Variants in ATRN observed in about 807,000 individuals in gnomAD.
ATRN encodes attractin-2.
A neutral mutation model predicts 178.7 loss-of-function variants in ATRN; 54 were observed. That is an observed-to-expected ratio of 0.30 (90% confidence interval 0.24 to 0.38). The LOEUF is 0.38. ATRN is among the 10% of genes least tolerant of loss of function. The probability of loss-of-function intolerance (pLI) is 1.00; values close to 1 mark genes in which losing one functional copy is unlikely to be tolerated. For missense variants in ATRN, 1,443 were observed against 1,815.1 expected, an observed-to-expected ratio of 0.79 and a Z score of 3.73; for synonymous variants, 636 against 663.0, an observed-to-expected ratio of 0.96 and a Z score of 0.63.
intron 18 of ATRN, 62 bp downstream of exon 18, chr20:3,584,942 T>G: frequency 1.3e-6 from 2 of 1,499,604 alleles, no homozygotes; most frequent in Non-Finnish European, 1.9e-6. Flanking sequence ...GAATAAAACC[T>G]TGAAAGCTAC....
At chr20:3,531,797 AAACAAC>A (rs144998439) in intron 1 of ATRN, among the ~76,000 whole-genome samples, 7,760 of 151,792 alleles carry the variant, frequency 0.051, 587 homozygotes, top group African/African-American at 0.17. Context: ...AAGTGGGTTA[AAACAAC>A]AACAACAACA....
At chr20:3,472,290 A>G (rs1424750457) in intron 1 of ATRN, among the ~76,000 whole-genome samples, 2 of 152,208 alleles carry the variant, frequency 1.3e-5, no homozygotes, top group African/African-American at 4.8e-5. Context: ...GATAATACAG[A>G]CAGATTAGCC....
At chr20:3,640,037 A>G (rs758994847) in intron 27 of ATRN, among the ~76,000 whole-genome samples, 1 of 152,230 alleles carries the variant, frequency 6.6e-6, no homozygotes, top group South Asian at 2.1e-4. Context: ...ACAACAGATG[A>G]TTGATGTGGA....
chr20:3,497,551 C>T (rs1273588133), intron 1 of ATRN, among the ~76,000 whole-genome samples: 4 of 152,114 alleles, frequency 2.6e-5, no homozygotes, highest in Non-Finnish European at 4.4e-5. Flanking sequence ...TGATGGGCTT[C>T]CCTTTGTGGG....
chr20:3,514,972 A>G (rs1161414265), intron 1 of ATRN, among the ~76,000 whole-genome samples: 1 of 152,180 alleles, frequency 6.6e-6, no homozygotes, highest in Non-Finnish European at 1.5e-5. Flanking sequence ...AATAAAAGAA[A>G]AAAAGATACT....
At position 3,547,265 on chromosome 20, in the gene ATRN, T is replaced by G; in HGVS notation, c.738-19T>G. ...AGCGTTGCGTTGTGTTAATGTAATTTTCCCTGCTATTTTTACAGTTTTGAT... is the reference window on the plus strand; with the variant it reads ...AGCGTTGCGTTGTGTTAATGTAATTGTCCCTGCTATTTTTACAGTTTTGAT... On this transcript the variant is annotated intron_variant, in intron 4 of 28. Transcript: ENST00000262919. 1 of 1,588,248 alleles carries G rather than the reference T, an allele frequency of 6.3e-7. No homozygotes were observed. Among genetic ancestry groups the G allele is most frequent in the South Asian group, 1.1e-5 (1 of 90,470 alleles).
chr20:3,491,089 C>G, intron 1 of ATRN: 1 of 693,986 alleles, frequency 1.4e-6, no homozygotes, highest in Non-Finnish European at 2.5e-6. Flanking sequence ...ACTTTTTGCA[C>G]CTTTCCTAAA....
chr20:3,528,237 G>A, intron 1 of ATRN, among the ~76,000 whole-genome samples: 1 of 151,918 alleles, frequency 6.6e-6, no homozygotes, highest in East Asian at 1.9e-4. Context: ...GCATGGTGGT[G>A]GGCGCCTGTA....
chr20:3,628,873 A>G (rs1227234737), intron 25 of ATRN: 1 of 984,262 alleles, frequency 1.0e-6, no homozygotes, highest in Non-Finnish European at 1.2e-6. Flanking sequence ...TTTTCTATTC[A>G]GCCTCTCACT....
intron 11 of ATRN, among the ~76,000 whole-genome samples, chr20:3,567,503 A>G (rs894727912): frequency 2.0e-5 from 3 of 152,180 alleles, no homozygotes; most frequent in African/African-American, 7.2e-5. Flanking sequence ...ATGTGATTCC[A>G]GTGGTATGTT....
chr20:3,623,800 C>G (rs499827), intron 24 of ATRN, among the ~76,000 whole-genome samples: 36,232 of 152,010 alleles, frequency 0.24, 6,194 homozygotes, highest in East Asian at 0.82. Context: ...GGGCTAATAT[C>G]CCTGAAATCA....
intron 1 of ATRN, among the ~76,000 whole-genome samples, chr20:3,523,989 T>C (rs1010563701): frequency 2.6e-5 from 4 of 152,158 alleles, no homozygotes; most frequent in African/African-American, 7.2e-5. Context: ...CCATTGACAC[T>C]ATGAAGAAAC....
At position 3,572,805 on chromosome 20, in the gene ATRN, A is replaced by T; in HGVS notation, c.1946A>T (p.Asp649Val). 2 of 1,613,868 alleles carry T rather than the reference A, an allele frequency of 1.2e-6. No individual in the cohort carries two copies. The highest frequency in any genetic ancestry group is 2.2e-5 in the East Asian group (1 of 44,872). Residue 649 changes from aspartate (D) to valine (V), a missense_variant, in exon 12 of 29, where the codon GAT (aspartate) becomes GTT (valine). Asp to Val is a radical substitution (Grantham distance 152, BLOSUM62 -3). Around this residue, in one of 4 missense-constraint regions of ATRN, gnomAD observed 862 missense variants for 972.1 expected, o/e 0.89. Coordinates refer to ENST00000262919, the MANE Select transcript of ATRN (RefSeq NM_139321.3). Reference sequence around the variant, plus strand: ...CTGGTATTCACCTCGGAACAGTGTGATGCGCATCGGAGTGAAGCCGCTTGT... The same window carrying T: ...CTGGTATTCACCTCGGAACAGTGTGTTGCGCATCGGAGTGAAGCCGCTTGT... ...DILVFTSEQC[D>V]AHRSEAACLA...
chr20:3,479,802 G>C (rs1039595886), intron 1 of ATRN, among the ~76,000 whole-genome samples: 2 of 152,160 alleles, frequency 1.3e-5, no homozygotes, highest in Admixed American at 6.6e-5. Context: ...TTGGCTTGTA[G>C]ATGCATCACT....
At chr20:3,521,355 A>C (rs781719450) in intron 1 of ATRN, among the ~76,000 whole-genome samples, 3 of 152,138 alleles carry the variant, frequency 2.0e-5, no homozygotes, top group Admixed American at 1.3e-4. Flanking sequence ...AAAAAAACCC[A>C]AAAACAAAGT....
chr20:3,490,677 AG>A lies in ATRN; in HGVS notation c.410+19162del, dbSNP rs574499858. On this transcript the variant is annotated intron_variant, in intron 1 of 28. Transcript: ENST00000262919. Reference sequence around the variant, plus strand: ...CTTCACTTGGATTCTCTGAGCCTTCAGGAGCTCCTCAAATTTCACTGACATT... The same window carrying A: ...CTTCACTTGGATTCTCTGAGCCTTCAGAGCTCCTCAAATTTCACTGACATT... The A allele has an allele frequency of 1.5e-5, 12 of 823,184 alleles. No homozygotes were observed. In the African/African-American group the frequency reaches 1.8e-4, roughly 13 times the overall value. 51.0% of individuals were successfully genotyped at this position (823,184 alleles called of 1,614,324 possible).
At chr20:3,474,087 T>A (rs1419525048) in intron 1 of ATRN, among the ~76,000 whole-genome samples, 1 of 152,152 alleles carries the variant, frequency 6.6e-6, no homozygotes, top group East Asian at 1.9e-4. Context: ...GATGTTAAGT[T>A]TGGAGTCATC....
chr20:3,500,560 A>C (rs2084946667), intron 1 of ATRN, among the ~76,000 whole-genome samples: 1 of 151,540 alleles, frequency 6.6e-6, no homozygotes, highest in African/African-American at 2.4e-5. Context: ...ATTGGAAATC[A>C]TCATTCTCAG....
rs950283230 is a variant in ATRN at position 3,648,428 on chromosome 20, T to G, written c.*1581T>G. The G allele has an allele frequency of 1.3e-5, 2 of 152,686 alleles. No individual in the cohort carries two copies. Among genetic ancestry groups the G allele is most frequent in the Admixed American group, 1.3e-4 (2 of 15,282 alleles). The allele number at this position is 152,686 out of a possible 1,614,324, so 9.5% of individuals were successfully genotyped here. On this transcript the variant is annotated 3_prime_UTR_variant, in exon 29 of 29. Transcript: ENST00000262919. Reference sequence around the variant, plus strand: ...ATGCAGCAGCCTCCCAGAAGCTCTCTTCTGCTTCAAAACCTGGGATCTCTG... The same window carrying G: ...ATGCAGCAGCCTCCCAGAAGCTCTCGTCTGCTTCAAAACCTGGGATCTCTG...
Sources: allele counts gnomAD v4.1 joint callset (sites outside exome capture counted in the v4.1 genomes callset), GRCh38; gene constraint gnomAD v4.1.1; regional missense constraint gnomAD v4.1.1; transcripts MANE v1.5; gene names NCBI Gene and HGNC (gene_info 2026-07-23, HGNC 2026-07-21).